DOCK2: variants seen among roughly 807,000 people sequenced by gnomAD.
DOCK2 encodes the protein dedicator of cytokinesis 2, also known as dedicator of cytokinesis protein 2.
Under a neutral mutation model 248.9 loss-of-function variants are expected in DOCK2, and 87 were observed. That is an observed-to-expected ratio of 0.35 (90% CI 0.29 to 0.42). The LOEUF is 0.42. DOCK2 is among the 10% of genes least tolerant of loss of function. The probability of loss-of-function intolerance (pLI) is 1.00; values close to 1 mark genes in which losing one functional copy is unlikely to be tolerated. For synonymous variants in DOCK2, 805 were observed against 821.6 expected, an observed-to-expected ratio of 0.98 and a Z score of 0.35; for missense variants, 1,747 against 2,300.2, an observed-to-expected ratio of 0.76 and a Z score of 4.92.
At chr5:169,656,368 A>G (rs1288191899) in intron 2 of DOCK2, among the ~76,000 whole-genome samples, 2 of 151,544 alleles carry the variant, frequency 1.3e-5, no homozygotes, top group African/African-American at 4.9e-5. Flanking sequence ...TTGTCTCCCA[A>G]GCTGGAGTGC....
At chr5:170,009,181 T>C (rs1755185238) in intron 32 of DOCK2, among the ~76,000 whole-genome samples, 1 of 152,030 alleles carries the variant, frequency 6.6e-6, no homozygotes. Flanking sequence ...TCTTTTTAGC[T>C]GAAAAGTGAC....
intron 23 of DOCK2, among the ~76,000 whole-genome samples, chr5:169,758,430 T>G (rs926192503): frequency 3.3e-5 from 5 of 152,310 alleles, no homozygotes; most frequent in African/African-American, 1.2e-4. Flanking sequence ...TCATGCCTTA[T>G]CTGGTATGAA....
intron 25 of DOCK2, among the ~76,000 whole-genome samples, chr5:169,781,932 G>A (rs549960054): frequency 1.3e-5 from 2 of 152,262 alleles, no homozygotes; most frequent in African/African-American, 4.8e-5. Context: ...CAGAACCCCC[G>A]TCTGCAGCAG....
chr5:169,637,742 T>C (rs1486513606), intron 1 of DOCK2, among the ~76,000 whole-genome samples: 1 of 152,180 alleles, frequency 6.6e-6, no homozygotes, highest in Non-Finnish European at 1.5e-5. Context: ...CTCCCCTGGC[T>C]CAGCCTTGGC....
chr5:170,035,681 C>A (rs1047112985), intron 35 of DOCK2, among the ~76,000 whole-genome samples: 1 of 152,046 alleles, frequency 6.6e-6, no homozygotes, highest in Non-Finnish European at 1.5e-5. Flanking sequence ...TAGTGCATTG[C>A]TTAAATATGG....
intron 2 of DOCK2, among the ~76,000 whole-genome samples, chr5:169,658,901 AACAATCACTTACATTCCAACC>A (rs1758282712): frequency 6.6e-6 from 1 of 151,708 alleles, no homozygotes; most frequent in Non-Finnish European, 1.5e-5. Flanking sequence ...AGAATAAAAT[AACAATCACTTACATTCCAACC>A]ACCTATAATT....
intron 44 of DOCK2, among the ~76,000 whole-genome samples, chr5:170,061,632 C>T (rs941158577): frequency 7.9e-5 from 12 of 152,188 alleles, no homozygotes; most frequent in East Asian, 3.9e-4. Context: ...TGCCCGTAGG[C>T]GAGAAGCCAA....
chr5:169,858,521 G>T (rs1178260581), intron 27 of DOCK2, among the ~76,000 whole-genome samples: 1 of 152,262 alleles, frequency 6.6e-6, no homozygotes, highest in East Asian at 1.9e-4. Flanking sequence ...CACCGGAAGG[G>T]CCTGTGGTGG....
intron 32 of DOCK2, among the ~76,000 whole-genome samples, chr5:170,014,639 G>C (rs920241514): frequency 1.5e-5 from 2 of 131,028 alleles, no homozygotes; most frequent in African/African-American, 5.7e-5. Context: ...ACATGTGTTG[G>C]GGGGGGTAGA....
At chr5:169,790,602 C>A (rs1335735056) in intron 25 of DOCK2, among the ~76,000 whole-genome samples, 1 of 152,224 alleles carries the variant, frequency 6.6e-6, no homozygotes, top group African/African-American at 2.4e-5. Context: ...CTGTCTGGAC[C>A]AGGCATTTGT....
intron 6 of DOCK2, among the ~76,000 whole-genome samples, chr5:169,680,864 A>T (rs1443787182): frequency 6.6e-6 from 1 of 152,176 alleles, no homozygotes; most frequent in African/African-American, 2.4e-5. Context: ...TTTCTCTCAT[A>T]CATAAGCTTA....
chr5:169,701,133 G>C (rs1213154718), intron 13 of DOCK2, among the ~76,000 whole-genome samples: 1 of 152,068 alleles, frequency 6.6e-6, no homozygotes, highest in African/African-American at 2.4e-5. Context: ...ACTCTGTCTT[G>C]CTTCTACTTC....
rs374944440 is a variant in DOCK2 at position 169,871,037 on chromosome 5, C to A, written c.2799+30185C>A. On this transcript the variant is annotated intron_variant, in intron 27 of 51. Transcript: ENST00000520908. Reference sequence around the variant, plus strand: ...GCTGTATTCCCTTGCTGTGTCCTCACGTGGCAGAAAGGGGAGAGGGACCTC... The same window carrying A: ...GCTGTATTCCCTTGCTGTGTCCTCAAGTGGCAGAAAGGGGAGAGGGACCTC... 2.6e-5 allele frequency among the ~76,000 whole-genome samples: 4 copies of A among 152,262 alleles called. No homozygotes were observed. In the East Asian group the frequency reaches 7.7e-4, roughly 29 times the overall value.
At chr5:169,850,161 G>A (rs554567855) in intron 27 of DOCK2, among the ~76,000 whole-genome samples, 14 of 152,162 alleles carry the variant, frequency 9.2e-5, no homozygotes, top group Non-Finnish European at 1.8e-4. Flanking sequence ...TTTATGGACC[G>A]TTTATGTGAC....
At chr5:169,994,014 C>A (rs940480196) in intron 29 of DOCK2, among the ~76,000 whole-genome samples, 1 of 152,144 alleles carries the variant, frequency 6.6e-6, no homozygotes, top group Non-Finnish European at 1.5e-5. Context: ...TTTTTCCCCC[C>A]ACTCTGAGCA....
rs75964258 is a variant in DOCK2, at chr5:169,939,959, T to C, written c.2800-43109T>C. 8.0e-3 allele frequency among the ~76,000 whole-genome samples: 1,213 copies of C among 152,290 alleles called. 63 individuals are homozygous for C. In the East Asian group the frequency reaches 0.13, roughly 17 times the overall value. The stretch of plus-strand genomic sequence containing the variant: ...ATTCTGAGTGTTTAAGTGTCTTGCT[T>C]AAGGATAGTTGGCTATGAAGAGGCA... On this transcript the variant is annotated intron_variant, in intron 27 of 51. Transcript: ENST00000520908.
In DOCK2 at chr5:169,763,211, C is replaced by CT. The variant is rs1764584450; in HGVS notation, c.2554+1588dup. 6.6e-6 allele frequency among the ~76,000 whole-genome samples: 1 copy of CT among 152,130 alleles called. No individual in the cohort carries two copies. The highest frequency in any genetic ancestry group is 2.1e-4 in the South Asian group (1 of 4,828). ...GTCACTGTGCCTTTTTAAAGTGAGA[C>CT]TTCCATGGTTTTAAAGTTCTGATTT... is the stretch of plus-strand genomic sequence containing the variant. On this transcript the variant is annotated intron_variant, in intron 25 of 51. Transcript: ENST00000520908. This position sits in a 1 kb window ranked among gnomAD's most constrained non-coding sequence, Gnocchi z 4.1.
At chr5:169,702,062 C>A in intron 13 of DOCK2, 1 of 329,940 alleles carries the variant, frequency 3.0e-6, no homozygotes, top group Non-Finnish European at 5.6e-6. Flanking sequence ...AAAACATGGC[C>A]AATTTTGAGT....
chr5:169,835,462 C>T (rs1769511864), intron 26 of DOCK2, among the ~76,000 whole-genome samples: 1 of 151,946 alleles, frequency 6.6e-6, no homozygotes, highest in African/African-American at 2.4e-5. Flanking sequence ...ACCATGTTGG[C>T]CAGGCTGGTC....
Sources: gnomAD v4.1 joint callset for allele counts (sites outside exome capture counted in the v4.1 genomes callset) on GRCh38, gnomAD v4.1.1 for gene constraint, Gnocchi (gnomAD v3.1) non-coding constraint, MANE v1.5 for transcripts, NCBI Gene and HGNC (gene_info 2026-07-23, HGNC 2026-07-21) for gene names.